MYH16: variants seen among roughly 807,000 people sequenced by gnomAD.
The protein encoded by MYH16 is putative uncharacterized protein MYH16.
chr7:99,263,841 G>A (rs1791962681), intron 14 of MYH16, among the ~76,000 whole-genome samples: 1 of 152,182 alleles, frequency 6.6e-6, no homozygotes, highest in South Asian at 2.1e-4. Context: ...GAGGTCATGT[G>A]GCTCATAGAG....
chr7:99,294,091 G>T (rs552372898), exon 33 of MYH16: 7 of 456,140 alleles, frequency 1.5e-5, no homozygotes, highest in African/African-American at 6.0e-5. Context: ...CGCCTCCCTC[G>T]AGAAAAATAA....
chr7:99,272,897 G>A (rs1180759400), intron 19 of MYH16, among the ~76,000 whole-genome samples: 1 of 152,212 alleles, frequency 6.6e-6, no homozygotes, highest in Non-Finnish European at 1.5e-5. Flanking sequence ...GCTGATGTGA[G>A]GGATCTTGGC....
intron 34 of MYH16, among the ~76,000 whole-genome samples, chr7:99,297,283 A>G (rs1374549839): frequency 6.6e-5 from 10 of 151,896 alleles, no homozygotes; most frequent in Non-Finnish European, 1.3e-4. Context: ...AATACAACAA[A>G]TTAGCAGGGC....
At chr7:99,277,878 CGT>C (rs61634087) in intron 21 of MYH16, among the ~76,000 whole-genome samples, 166 bp downstream of exon 3, 2,187 of 121,642 alleles carry the variant, frequency 0.018, 27 homozygotes, top group South Asian at 0.032. Context: ...CCATCCAATT[CGT>C]GTGTGTGTGT....
At chr7:99,302,343 C>T (rs1285996697) in intron 38 of MYH16, among the ~76,000 whole-genome samples, 1 of 148,182 alleles carries the variant, frequency 6.7e-6, no homozygotes, top group East Asian at 2.0e-4. Flanking sequence ...CACACACACA[C>T]ACACACACAC....
At chr7:99,287,911 G>A (rs764584128) in exon 29 of MYH16, 60 of 455,530 alleles carry the variant, frequency 1.3e-4, no homozygotes, top group South Asian at 5.3e-4. Context: ...AACCGCAAGC[G>A]GGAGGCTGAG....
At chr7:99,247,818 C>A (rs1791752246) in intron 3 of MYH16, 1 of 153,136 alleles carries the variant, frequency 6.5e-6, no homozygotes, top group Non-Finnish European at 1.5e-5. Flanking sequence ...CATTGCGGCT[C>A]CAGACGCATT....
intron 13 of MYH16, among the ~76,000 whole-genome samples, chr7:99,262,165 T>A (rs1474384329): frequency 6.6e-6 from 1 of 152,010 alleles, no homozygotes; most frequent in African/African-American, 2.4e-5. Flanking sequence ...ATAGGGGAGG[T>A]GACGTTCATC....
intron 30 of MYH16, among the ~76,000 whole-genome samples, chr7:99,290,157 C>A (rs1347639567): frequency 6.6e-6 from 1 of 152,128 alleles, no homozygotes; most frequent in African/African-American, 2.4e-5. Context: ...TTGCAGGCAG[C>A]CTTTGGCCTT....
intron 2 of MYH16, among the ~76,000 whole-genome samples, chr7:99,245,690 G>A (rs1791721090): frequency 6.6e-6 from 1 of 152,106 alleles, no homozygotes; most frequent in African/African-American, 2.4e-5. Flanking sequence ...ACCACGCCCA[G>A]CTAATTTTTG....
At chr7:99,251,187 G>A (rs1049450945) in intron 6 of MYH16, 4 of 215,178 alleles carry the variant, frequency 1.9e-5, no homozygotes, top group South Asian at 8.4e-5. Context: ...CTCTCGCTTC[G>A]TAAGTGTGGG....
At chr7:99,243,378 T>A (rs1005428396) in exon 2 of MYH16, 3 of 152,718 alleles carry the variant, frequency 2.0e-5, no homozygotes, top group African/African-American at 7.2e-5. Flanking sequence ...GAGGCCAGTG[T>A]CCTAGACAAT....
At chr7:99,299,484 A>G in exon 37 of MYH16, 1 of 153,160 alleles carries the variant, frequency 6.5e-6, no homozygotes, top group Non-Finnish European at 1.5e-5. Context: ...ACCAGCGGGC[A>G]ATCGAGTCCT....
At chr7:99,264,875 C>T (rs909692779) in intron 15 of MYH16, among the ~76,000 whole-genome samples, 2 of 152,174 alleles carry the variant, frequency 1.3e-5, no homozygotes, top group African/African-American at 2.4e-5. Flanking sequence ...AACCACGGCC[C>T]CTTGAGCAAG....
chr7:99,295,869 C>T (rs181635026), intron 33 of MYH16, among the ~76,000 whole-genome samples: 5,656 of 139,220 alleles, frequency 0.041, 142 homozygotes, highest in Non-Finnish European at 0.057. Context: ...AGGCTGGGCA[C>T]AGTGGCTCAA....
At chr7:99,277,207 G>C (rs1792126518) in intron 20 of MYH16, among the ~76,000 whole-genome samples, 1 of 152,120 alleles carries the variant, frequency 6.6e-6, no homozygotes, top group Admixed American at 6.5e-5. Flanking sequence ...TGGGGCTCCT[G>C]GTGTCTACAC....
chr7:99,292,284 C>A (rs1198196753), intron 31 of MYH16, 28 bp from the exon 13 acceptor site: 6 of 450,562 alleles, frequency 1.3e-5, no homozygotes, highest in Non-Finnish European at 2.2e-5. Flanking sequence ...AAAGCCCCCA[C>A]GGGCGCCTGA....
rs569178141 is a variant in MYH16 at position 99,275,004 on chromosome 7, T to A, written n.2485+1581T>A. On this transcript the variant is annotated intron_variant and non_coding_transcript_variant, in intron 20 of 41. Coordinates refer to ENST00000439784, the Ensembl canonical transcript of MYH16. Reference sequence around the variant, plus strand: ...GCTTTTTTATTTTGGAAAAAAAAAATTTTTTTTTGACACAGGGTCTCACTC... The same window carrying A: ...GCTTTTTTATTTTGGAAAAAAAAAAATTTTTTTTGACACAGGGTCTCACTC... Among the ~76,000 whole-genome samples the A allele has an allele frequency of 4.7e-4, 70 of 150,436 alleles. 2 individuals carry two copies. The highest frequency in any genetic ancestry group is 3.4e-3 in the South Asian group (16 of 4,718).
intron 22 of MYH16, among the ~76,000 whole-genome samples, chr7:99,280,437 TCCCTGGGGGAAG>T (rs1196477623): frequency 6.6e-6 from 1 of 152,226 alleles, no homozygotes; most frequent in Non-Finnish European, 1.5e-5. Flanking sequence ...TCTGAACAGC[TCCCTGGGGGAAG>T]CCCTGGCTCC....
Sources: gnomAD v4.1 joint callset for allele counts (sites outside exome capture counted in the v4.1 genomes callset) on GRCh38, gnomAD v4.1.1 for gene constraint, MANE v1.5 for transcripts, NCBI Gene and HGNC (gene_info 2026-07-23, HGNC 2026-07-21) for gene names.